CAPN14: variants seen among roughly 807,000 people sequenced by gnomAD.
CAPN14 encodes the protein calpain 14, also known as calpain-14.
In CAPN14, 94 loss-of-function variants were observed where a neutral mutation model predicts 101.3. That is an observed-to-expected ratio of 0.93 (90% CI 0.79 to 1.10). The LOEUF (loss-of-function observed/expected upper bound fraction) is 1.10, where lower values mean the gene tolerates loss of function less well. Ranked by LOEUF, CAPN14 falls within the 50% of genes least tolerant of loss-of-function variation. The pLI is 0.00. For missense variants in CAPN14, 837 were observed against 828.4 expected, an observed-to-expected ratio of 1.01 and a Z score of -0.13; for synonymous variants, 338 against 317.9, an observed-to-expected ratio of 1.06 and a Z score of -0.67.
chr2:31,224,011 G>A (rs1012701512), intron 2 of CAPN14, among the ~76,000 whole-genome samples: 5 of 151,988 alleles, frequency 3.3e-5, no homozygotes, highest in Admixed American at 6.5e-5. Flanking sequence ...GTCATTTTTC[G>A]CAACTACATC....
Position 31,173,386 on chromosome 2 carries a change from C to A in CAPN14, c.*1295G>T, listed in dbSNP as rs1572379583. ...TCCTTTAGTCCTCTGCCAATGGACA[C>A]ACTTTTATCTCTTCATTCAGCTTCC... On this transcript the variant is annotated 3_prime_UTR_variant, in exon 22 of 22. Coordinates refer to ENST00000403897, the MANE Select transcript of CAPN14 (RefSeq NM_001145122.2). The A allele has an allele frequency of 6.6e-6, 1 of 152,332 alleles. No individual in the cohort carries two copies. The highest frequency in any genetic ancestry group is 1.9e-4 in the East Asian group (1 of 5,186). The allele number at this position is 152,332 out of a possible 1,614,324, so 9.4% of individuals were successfully genotyped here. A position where few individuals can be genotyped will look rare whatever the true frequency, so the allele number is the denominator to read the frequency against.
At chr2:31,176,980 G>T (rs1460049032) in intron 20 of CAPN14, 46 bp downstream of exon 20, 1 of 1,342,032 alleles carries the variant, frequency 7.5e-7, no homozygotes, top group South Asian at 1.3e-5. Context: ...GAAGTCATGG[G>T]GCAGCAGAGG....
chr2:31,175,844 C>T (rs1483241064), intron 21 of CAPN14, among the ~76,000 whole-genome samples: 6 of 152,240 alleles, frequency 3.9e-5, no homozygotes, highest in Admixed American at 3.9e-4. Flanking sequence ...GAGGATTGAA[C>T]TCCAGAGTCC....
chr2:31,181,013 GA>G lies in CAPN14; in HGVS notation c.1646-14del, dbSNP rs1345486932. Reference sequence around the variant, plus strand: ...CTGCTCCCCAGACCTGTGAAGGAGCGAAAGAGTCCACATGGGGGCTGGCCCC... The same window carrying G: ...CTGCTCCCCAGACCTGTGAAGGAGCGAAGAGTCCACATGGGGGCTGGCCCC... On this transcript the variant is annotated splice_polypyrimidine_tract_variant and intron_variant, in intron 16 of 21. Coordinates refer to ENST00000403897, the MANE Select transcript of CAPN14 (RefSeq NM_001145122.2). 2.6e-6 allele frequency: 4 copies of G among 1,551,026 alleles called. No homozygotes were observed. Among genetic ancestry groups the G allele is most frequent in the Admixed American group, 2.0e-5 (1 of 50,958 alleles).
chr2:31,227,538 C>T (rs958919408), intron 1 of CAPN14, among the ~76,000 whole-genome samples: 16 of 152,186 alleles, frequency 1.1e-4, no homozygotes, highest in Non-Finnish European at 2.2e-4. Context: ...ATTTATTGAG[C>T]GCTTACTATA....
intron 1 of CAPN14, 58 bp downstream of exon 1, chr2:31,217,398 G>C (rs1431850302): frequency 2.6e-5 from 4 of 152,158 alleles, no homozygotes; most frequent in African/African-American, 9.7e-5. Context: ...AGACCCTGTA[G>C]AGTCTCATAG....
chr2:31,186,228 T>G (rs1680893308), intron 16 of CAPN14, among the ~76,000 whole-genome samples, 200 bp downstream of exon 16: 1 of 152,156 alleles, frequency 6.6e-6, no homozygotes, highest in African/African-American at 2.4e-5. Context: ...GTAAGCAAAA[T>G]AATAATAACG....
intron 12 of CAPN14, chr2:31,189,820 C>A: frequency 2.2e-6 from 1 of 464,584 alleles, no homozygotes; most frequent in Non-Finnish European, 4.3e-6. Context: ...AGGTCATCTG[C>A]CCAGAGTCAT....
chr2:31,216,197 C>A (rs1411236903), intron 1 of CAPN14, among the ~76,000 whole-genome samples: 1 of 152,170 alleles, frequency 6.6e-6, no homozygotes, highest in Non-Finnish European at 1.5e-5. Flanking sequence ...ATTCCATTTA[C>A]ATAACTTTCA....
chr2:31,178,658 G>C, intron 17 of CAPN14, 79 bp from the exon 18 acceptor site: 1 of 942,590 alleles, frequency 1.1e-6, no homozygotes, highest in East Asian at 2.9e-5. Flanking sequence ...CCTCCACAAA[G>C]TGATGTGCAA....
At chr2:31,192,496 A>T (rs1378367732) in intron 10 of CAPN14, among the ~76,000 whole-genome samples, 2 of 152,180 alleles carry the variant, frequency 1.3e-5, no homozygotes, top group African/African-American at 4.8e-5. Context: ...CTATGGGGGA[A>T]ATACTGTGTC....
At chr2:31,214,744 G>C (rs1212534958) in intron 1 of CAPN14, among the ~76,000 whole-genome samples, 1 of 152,136 alleles carries the variant, frequency 6.6e-6, no homozygotes, top group Non-Finnish European at 1.5e-5. Flanking sequence ...CTGGAGCATG[G>C]GTGTACACCT....
chr2:31,218,855 C>T (rs149317953), upstream of CAPN14, among the ~76,000 whole-genome samples: 18 of 152,316 alleles, frequency 1.2e-4, no homozygotes, highest in East Asian at 1.2e-3. Context: ...CTGAGCTAAA[C>T]GCTCTTTGGA....
At chr2:31,197,384 C>T (rs943732727) in intron 7 of CAPN14, 50 bp from the exon 8 acceptor site, 2 of 1,269,562 alleles carry the variant, frequency 1.6e-6, no homozygotes, top group Admixed American at 2.0e-5. Flanking sequence ...TGCAAACATT[C>T]CAGAGATCTG....
At chr2:31,208,407 A>G (rs1201377702) in intron 1 of CAPN14, among the ~76,000 whole-genome samples, 1 of 152,164 alleles carries the variant, frequency 6.6e-6, no homozygotes, top group East Asian at 1.9e-4. Context: ...AACCTCCCTC[A>G]GGCTCATGCC....
At chr2:31,184,013 C>T (rs1413254505) in intron 16 of CAPN14, among the ~76,000 whole-genome samples, 2 of 152,146 alleles carry the variant, frequency 1.3e-5, no homozygotes, top group African/African-American at 4.8e-5. Context: ...TCCTGAGTAG[C>T]TGGGATTACA....
intron 15 of CAPN14, 50 bp from the exon 16 acceptor site, chr2:31,186,535 A>G (rs1443364325): frequency 3.6e-6 from 5 of 1,382,552 alleles, no homozygotes; most frequent in Non-Finnish European, 5.0e-6. Context: ...CTGAAGGCTC[A>G]TTAGATGGCA....
At chr2:31,210,358 G>C (rs1166341411) in intron 1 of CAPN14, among the ~76,000 whole-genome samples, 2 of 152,198 alleles carry the variant, frequency 1.3e-5, no homozygotes, top group Non-Finnish European at 2.9e-5. Flanking sequence ...TGAGGCAGGA[G>C]AATGGTGTGA....
intron 21 of CAPN14, 83 bp from the exon 22 acceptor site, chr2:31,174,790 C>A: frequency 1.5e-6 from 2 of 1,336,804 alleles, no homozygotes; most frequent in Non-Finnish European, 2.1e-6. Flanking sequence ...CCTGGGGAGC[C>A]ATGGAGACAG....
Sources: allele counts gnomAD v4.1 joint callset (sites outside exome capture counted in the v4.1 genomes callset), GRCh38; gene constraint gnomAD v4.1.1; transcripts MANE v1.5; gene names NCBI Gene and HGNC (gene_info 2026-07-23, HGNC 2026-07-21).